LOXHD1: variants seen among roughly 807,000 people sequenced by gnomAD.
LOXHD1 encodes the protein lipoxygenase homology domain-containing protein 1.
In LOXHD1, 205 loss-of-function variants were observed where a neutral mutation model predicts 248.2. That is an observed-to-expected ratio of 0.83 (90% CI 0.74 to 0.93). The LOEUF is 0.93. Ranked by LOEUF, LOXHD1 falls within the 40% of genes least tolerant of loss-of-function variation. The probability of loss-of-function intolerance (pLI) is 0.00; values close to 1 mark genes in which losing one functional copy is unlikely to be tolerated. For missense variants in LOXHD1, 2,930 were observed against 2,971.6 expected, an observed-to-expected ratio of 0.99 and a Z score of 0.33; for synonymous variants, 1,113 against 1,162.8, an observed-to-expected ratio of 0.96 and a Z score of 0.87.
chr18:46,538,449 A>G, intron 25 of LOXHD1, 112 bp from the exon 26 acceptor site: 2 of 1,077,646 alleles, frequency 1.9e-6, no homozygotes, highest in East Asian at 5.3e-5. Context: ...GCACTGGGGA[A>G]CTGCTGCCCG....
intron 12 of LOXHD1, among the ~76,000 whole-genome samples, chr18:46,580,302 CTA>C (rs1259899420): frequency 6.6e-6 from 1 of 152,220 alleles, no homozygotes; most frequent in Non-Finnish European, 1.5e-5. Flanking sequence ...TCTCCAACTT[CTA>C]TGTGTTCTCA....
At chr18:46,555,691 AT>A (rs1443596816) in intron 21 of LOXHD1, among the ~76,000 whole-genome samples, 1 of 152,106 alleles carries the variant, frequency 6.6e-6, no homozygotes, top group African/African-American at 2.4e-5. Flanking sequence ...CACTCCACTC[AT>A]ACAAGGGGAC....
intron 22 of LOXHD1, among the ~76,000 whole-genome samples, chr18:46,545,631 T>TC (rs1703321993): frequency 1.8e-5 from 1 of 55,146 alleles, no homozygotes; most frequent in South Asian, 6.8e-4. Context: ...CCATTTCTTT[T>TC]TTTTTTTTTT....
At chr18:46,543,679 G>A (rs373923989) in intron 23 of LOXHD1, among the ~76,000 whole-genome samples, 3 of 152,214 alleles carry the variant, frequency 2.0e-5, no homozygotes, top group East Asian at 3.9e-4. Flanking sequence ...CTTTCACTGA[G>A]TTTTACAATA....
At chr18:46,593,087 G>A (rs975784090) in intron 10 of LOXHD1, among the ~76,000 whole-genome samples, 1 of 152,194 alleles carries the variant, frequency 6.6e-6, no homozygotes, top group Non-Finnish European at 1.5e-5. Flanking sequence ...GCTGAGAGGA[G>A]AGCCTCAAAT....
At chr18:46,477,991 G>A in intron 40 of LOXHD1, 39 bp from the exon 41 acceptor site, 1 of 1,522,320 alleles carries the variant, frequency 6.6e-7, no homozygotes, top group Admixed American at 2.0e-5. Context: ...TAGGGGCTAA[G>A]CAGACCCCAG....
chr18:46,500,982 C>T (rs1457748342), intron 37 of LOXHD1, among the ~76,000 whole-genome samples: 2 of 152,142 alleles, frequency 1.3e-5, no homozygotes, highest in South Asian at 2.1e-4. Context: ...AGACACACAT[C>T]ATTATTTAAA....
At chr18:46,573,899 T>G (rs2037804513) in intron 14 of LOXHD1, among the ~76,000 whole-genome samples, 1 of 152,108 alleles carries the variant, frequency 6.6e-6, no homozygotes, top group African/African-American at 2.4e-5. Context: ...CTCCAAGACA[T>G]GAGCATGCAA....
rs2038334967 is a variant in LOXHD1 at position 46,601,345 on chromosome 18, C to T, written c.1006G>A (p.Gly336Ser). 1.3e-6 allele frequency: 2 copies of T among 1,551,576 alleles called. No homozygotes were observed. The highest frequency in any genetic ancestry group is 3.9e-5 in the Admixed American group (2 of 50,974). The change falls in exon 8 of 41, where the codon GGC (glycine) becomes AGC (serine). Residue 336 changes from glycine (G) to serine (S), a missense_variant. Gly to Ser is a moderately conservative substitution (Grantham distance 56). Coordinates refer to ENST00000642948, the MANE Select transcript of LOXHD1 (RefSeq NM_001384474.1). ...NKNSGKIFLE[G>S]GVFDRGRTDI... ...GTGCGGCCTCGGTCAAACACGCCGC[C>T]CTCCAGGAAGATTTTCCCACTGTTC...
intron 24 of LOXHD1, 45 bp from the exon 25 acceptor site, chr18:46,541,985 G>A (rs1297699344): frequency 1.3e-6 from 2 of 1,505,544 alleles, no homozygotes; most frequent in Admixed American, 4.4e-5. Context: ...CCTGAGCAGA[G>A]ATGATTTCCT....
chr18:46,535,829 C>G (rs936954636), intron 26 of LOXHD1, among the ~76,000 whole-genome samples: 6 of 152,174 alleles, frequency 3.9e-5, no homozygotes, highest in African/African-American at 1.4e-4. Context: ...CCTCGGCCTC[C>G]CAAAGTGCTG....
chr18:46,591,755 A>G (rs1353582976), intron 12 of LOXHD1, among the ~76,000 whole-genome samples, 178 bp downstream of exon 12: 2 of 152,138 alleles, frequency 1.3e-5, no homozygotes, highest in Non-Finnish European at 2.9e-5. Flanking sequence ...CGGCATCATG[A>G]CTTGGAGATG....
At chr18:46,645,043 G>C (rs1442298293) in intron 2 of LOXHD1, among the ~76,000 whole-genome samples, 1 of 152,214 alleles carries the variant, frequency 6.6e-6, no homozygotes, top group Non-Finnish European at 1.5e-5. Flanking sequence ...CACATCACAA[G>C]AAGAGGAGGA....
intron 8 of LOXHD1, among the ~76,000 whole-genome samples, chr18:46,596,762 C>T (rs552026567): frequency 2.0e-5 from 3 of 152,228 alleles, no homozygotes; most frequent in East Asian, 1.9e-4. Flanking sequence ...TTAAGAGCAT[C>T]TGGATAGAAA....
chr18:46,624,341 A>C (rs375711015), intron 4 of LOXHD1, among the ~76,000 whole-genome samples: 9 of 152,082 alleles, frequency 5.9e-5, no homozygotes, highest in South Asian at 2.1e-4. Context: ...TGGGGGTGGG[A>C]GATGAGGGGG....
At chr18:46,557,153 A>AC (rs1245835743) in intron 21 of LOXHD1, among the ~76,000 whole-genome samples, 3 of 13,240 alleles carry the variant, frequency 2.3e-4, no homozygotes, top group Non-Finnish European at 4.5e-4. Flanking sequence ...ATACCCGCCC[A>AC]CCCTCATTCT....
intron 40 of LOXHD1, among the ~76,000 whole-genome samples, chr18:46,480,851 C>T (rs1187303869): frequency 2.6e-5 from 4 of 152,114 alleles, no homozygotes; most frequent in South Asian, 4.1e-4. Flanking sequence ...CTTTTACATA[C>T]GTTTCTGTAT....
At chr18:46,572,276 T>C (rs1349625917) in intron 14 of LOXHD1, 114 bp from the exon 15 acceptor site, 8 of 931,476 alleles carry the variant, frequency 8.6e-6, no homozygotes, top group African/African-American at 1.6e-5. Flanking sequence ...TTTAGCAAAG[T>C]GAAATGATTC....
chr18:46,570,175 A>C (rs1472380957), intron 15 of LOXHD1, among the ~76,000 whole-genome samples: 2 of 152,240 alleles, frequency 1.3e-5, no homozygotes, highest in African/African-American at 2.4e-5. Flanking sequence ...TGAAACTCTC[A>C]TGTGGACTTG....
Sources: gnomAD v4.1 joint callset for allele counts (sites outside exome capture counted in the v4.1 genomes callset) on GRCh38, gnomAD v4.1.1 for gene constraint, MANE v1.5 for transcripts, NCBI Gene and HGNC (gene_info 2026-07-23, HGNC 2026-07-21) for gene names.